Variants in PRKAB1 observed in about 807,000 individuals in gnomAD.
PRKAB1 encodes the protein protein kinase AMP-activated non-catalytic subunit beta 1.
In PRKAB1, 18 loss-of-function variants were observed where a neutral mutation model predicts 32.0. The observed-to-expected ratio is 0.56, with a 90% confidence interval of 0.39 to 0.83. The LOEUF (loss-of-function observed/expected upper bound fraction) is 0.83, where lower values mean the gene tolerates loss of function less well. Among genes scored for constraint, PRKAB1 ranks in the 40% least tolerant of loss-of-function variants. The pLI, the probability that PRKAB1 is intolerant of heterozygous loss-of-function variation, is 0.00. For synonymous variants in PRKAB1, 141 were observed against 141.4 expected, an observed-to-expected ratio of 1.00 and a Z score of 0.02; for missense variants, 263 against 352.6, an observed-to-expected ratio of 0.75 and a Z score of 2.03.
chr12:119,668,963 A>T (rs1955362594), intron 1 of PRKAB1, among the ~76,000 whole-genome samples: 1 of 151,862 alleles, frequency 6.6e-6, no homozygotes, highest in African/African-American at 2.4e-5. Flanking sequence ...CGGTGGTCTC[A>T]CTAATTAGCC....
Position 119,674,271 on chromosome 12 carries a change from C to A in PRKAB1, c.418-69C>A. On this transcript the variant is annotated intron_variant, in intron 3 of 6. Transcript: ENST00000229328. The surrounding 1 kb of genome is among the most constrained non-coding windows in gnomAD (Gnocchi z 4.3). ...AGATGAGGCCTTCCAGCCAGGAATT[C>A]CAAGTCCTCTGAAGAATAACTCCGC... is the stretch of plus-strand genomic sequence containing the variant. 7.5e-7 allele frequency: 1 copy of A among 1,327,550 alleles called. No individual in the cohort carries two copies. 82.2% of individuals were successfully genotyped at this position (1,327,550 alleles called of 1,614,324 possible).
At chr12:119,678,825 A>AG (rs1955445425) in intron 5 of PRKAB1, 2 of 152,248 alleles carry the variant, frequency 1.3e-5, no homozygotes, top group South Asian at 2.1e-4. Flanking sequence ...ACGTGGGAGT[A>AG]CAGATATCTC....
chr12:119,671,645 G>A (rs1283514827), intron 1 of PRKAB1: 2 of 238,626 alleles, frequency 8.4e-6, no homozygotes, highest in African/African-American at 2.3e-5. Flanking sequence ...TGACACGTGG[G>A]GATTATGGGG....
Position 119,668,146 on chromosome 12 carries a change from G to C in PRKAB1, c.-99G>C. 1 of 1,342,818 alleles carries C rather than the reference G, an allele frequency of 7.4e-7. No individual in the cohort carries two copies. Among genetic ancestry groups the C allele is most frequent in the Non-Finnish European group, 9.7e-7 (1 of 1,033,466 alleles). The allele number at this position is 1,342,818 out of a possible 1,614,324, so 83.2% of individuals were successfully genotyped here. A position where few individuals can be genotyped will look rare whatever the true frequency, so the allele number is the denominator to read the frequency against. ...TCCTGGTGCTCCGACTCCTTCCGCA[G>C]GCTCCTTGGGACCCGCGGTTCCGGG... is the stretch of plus-strand genomic sequence containing the variant. On this transcript the variant is annotated 5_prime_UTR_variant, in exon 1 of 7. Transcript: ENST00000229328.
upstream of PRKAB1, chr12:119,667,987 G>C: frequency 2.1e-6 from 1 of 482,202 alleles, no homozygotes; most frequent in Non-Finnish European, 3.6e-6. Flanking sequence ...TGAAGCGGTT[G>C]GGAAAGTGTC....
chr12:119,678,835 C>T (rs1245107264), intron 5 of PRKAB1: 2 of 152,190 alleles, frequency 1.3e-5, no homozygotes, highest in Non-Finnish European at 2.9e-5. Flanking sequence ...ACAGATATCT[C>T]GACATGCTGA....
chr12:119,675,433 G>C (rs1242424833), intron 4 of PRKAB1, among the ~76,000 whole-genome samples: 1 of 152,200 alleles, frequency 6.6e-6, no homozygotes, highest in Non-Finnish European at 1.5e-5. Context: ...TAGTCTTTTA[G>C]AGATATCATC....
intron 1 of PRKAB1, among the ~76,000 whole-genome samples, chr12:119,671,845 TAAC>T (rs1268589015): frequency 1.3e-5 from 2 of 152,138 alleles, no homozygotes; most frequent in South Asian, 2.1e-4. Flanking sequence ...ATAGAAAAGA[TAAC>T]AATAAAAATA....
At chr12:119,668,074 C>A, upstream of PRKAB1, 3 of 803,620 alleles carry the variant, frequency 3.7e-6, no homozygotes, top group Non-Finnish European at 3.6e-6. Context: ...AGCTCGGCAA[C>A]CCTGCCGACT....
At chr12:119,668,441 A>G (rs1480091706) in intron 1 of PRKAB1, 38 bp downstream of exon 1, 2 of 1,604,100 alleles carry the variant, frequency 1.2e-6, no homozygotes, top group Admixed American at 1.7e-5. Flanking sequence ...CCCCTTGACT[A>G]ATGTTGAGGA....
intron 4 of PRKAB1, among the ~76,000 whole-genome samples, chr12:119,676,119 T>C (rs1955422225): frequency 6.6e-6 from 1 of 152,220 alleles, no homozygotes; most frequent in African/African-American, 2.4e-5. Flanking sequence ...TCTGTTGCAT[T>C]GCGGCCGGGG....
chr12:119,677,315 A>G (rs1322271142), intron 5 of PRKAB1: 2 of 152,268 alleles, frequency 1.3e-5, no homozygotes, highest in Non-Finnish European at 2.9e-5. Context: ...TAAAGTAACC[A>G]TGCTGCTACT....
chr12:119,674,392 A>C lies in PRKAB1; in HGVS notation c.470A>C (p.Lys157Thr), dbSNP rs1021577649. 3 of 1,614,108 alleles carry C rather than the reference A, an allele frequency of 1.9e-6. No individual in the cohort carries two copies. The Admixed American group carries it at 5.0e-5, about 27-fold the overall frequency. The change falls in exon 4 of 7, where the codon AAA becomes ACA. Residue 157 changes from lysine to threonine, a missense_variant. Transcript: ENST00000229328. This position sits in a 1 kb window ranked among gnomAD's most constrained non-coding sequence, Gnocchi z 4.3. ...GTTAACAACATCATTCAAGTGAAGA[A>C]AACTGACTTTGAAGTATTTGATGCT... Reference protein sequence around the residue: ...GTVNNIIQVKKTDFEVFDALM... With the variant: ...GTVNNIIQVKTTDFEVFDALM...
chr12:119,668,495 A>G, intron 1 of PRKAB1, 92 bp downstream of exon 1: 1 of 1,494,516 alleles, frequency 6.7e-7, no homozygotes, highest in South Asian at 1.3e-5. Context: ...TTCGAAAAAC[A>G]CCAGAACGGA....
rs1403083560 is a variant in PRKAB1 at position 119,668,337 on chromosome 12, G to T, written c.93G>T (p.Gly31=). 1 of 1,613,082 alleles carries T rather than the reference G, an allele frequency of 6.2e-7. No individual in the cohort carries two copies. Among genetic ancestry groups the T allele is most frequent in the African/African-American group, 1.3e-5 (1 of 74,892 alleles). ...ACAGCTCGGGGGGCACCAAGGACGG[G>T]GACAGGCCCAAGATCCTGATGGACA... ...RRDSSGGTKD[G]DRPKILMDSP... Residue 31 remains glycine (G), a synonymous_variant, in exon 1 of 7, where the codon GGG becomes GGT. Transcript: ENST00000229328.
intron 4 of PRKAB1, among the ~76,000 whole-genome samples, chr12:119,675,650 C>T (rs1424574806): frequency 6.6e-6 from 1 of 152,184 alleles, no homozygotes; most frequent in Non-Finnish European, 1.5e-5. Flanking sequence ...CACTTACTTC[C>T]TCAAAATGTT....
intron 4 of PRKAB1, among the ~76,000 whole-genome samples, chr12:119,675,354 G>A (rs930716011): frequency 6.6e-6 from 1 of 152,208 alleles, no homozygotes; most frequent in African/African-American, 2.4e-5. Context: ...ATCACAATGG[G>A]CTCACTGTGG....
At chr12:119,675,716 G>C (rs1344919686) in intron 4 of PRKAB1, among the ~76,000 whole-genome samples, 3 of 152,180 alleles carry the variant, frequency 2.0e-5, no homozygotes, top group Admixed American at 2.0e-4. Context: ...GTTTCTTGCT[G>C]TGATATGGTT....
chr12:119,669,090 C>G (rs992156801), intron 1 of PRKAB1, among the ~76,000 whole-genome samples: 6 of 150,470 alleles, frequency 4.0e-5, no homozygotes, highest in African/African-American at 1.5e-4. Context: ...GCACTCCAGC[C>G]TGGGCGACAG....
Sources: allele counts gnomAD v4.1 joint callset (sites outside exome capture counted in the v4.1 genomes callset), GRCh38; gene constraint gnomAD v4.1.1; non-coding constraint Gnocchi (gnomAD v3.1); transcripts MANE v1.5; gene names NCBI Gene and HGNC (gene_info 2026-07-23, HGNC 2026-07-21).